VIPR2: variants seen among roughly 807,000 people sequenced by gnomAD.
VIPR2 encodes the protein vasoactive intestinal peptide receptor 2.
In VIPR2, 48 loss-of-function variants were observed where a neutral mutation model predicts 58.0. The observed-to-expected ratio is 0.83, with a 90% CI of 0.66 to 1.05. The LOEUF (loss-of-function observed/expected upper bound fraction) is 1.05. Ranked by LOEUF, VIPR2 falls within the 50% of genes least tolerant of loss-of-function variation. VIPR2 has a pLI of 0.00. For missense variants in VIPR2, 534 were observed against 558.0 expected, an observed-to-expected ratio of 0.96 and a Z score of 0.43; for synonymous variants, 243 against 235.2, an observed-to-expected ratio of 1.03 and a Z score of -0.30.
intron 4 of VIPR2, among the ~76,000 whole-genome samples, chr7:159,065,937 A>G (rs1856053657): frequency 6.6e-6 from 1 of 152,246 alleles, no homozygotes; most frequent in Non-Finnish European, 1.5e-5. Flanking sequence ...TGAGACAGAA[A>G]ACGCAGGTGA....
chr7:159,056,597 C>G (rs986757742), intron 5 of VIPR2, among the ~76,000 whole-genome samples: 1 of 152,154 alleles, frequency 6.6e-6, no homozygotes, highest in Admixed American at 6.5e-5. Context: ...AGCGTCAACA[C>G]TGCACACTTT....
chr7:159,092,611 C>T (rs1412892965), intron 4 of VIPR2, among the ~76,000 whole-genome samples: 6 of 151,458 alleles, frequency 4.0e-5, no homozygotes, highest in Admixed American at 1.3e-4. Flanking sequence ...TGGGCAATTT[C>T]GGGATGCTTT....
At chr7:159,052,688 T>C (rs915233195) in intron 5 of VIPR2, among the ~76,000 whole-genome samples, 1 of 152,144 alleles carries the variant, frequency 6.6e-6, no homozygotes, top group African/African-American at 2.4e-5. Flanking sequence ...AAAAACATAA[T>C]ATATCAAAAC....
chr7:159,133,029 T>TTGGCATACAGATGA (rs1585563303), intron 2 of VIPR2, among the ~76,000 whole-genome samples: 1 of 88,392 alleles, frequency 1.1e-5, no homozygotes, highest in Non-Finnish European at 2.2e-5. Flanking sequence ...GACAGAATGA[T>TTGGCATACAGATGA]TCCAAAAATG....
At chr7:159,033,733 ATGGCCATGTCT>A (rs1853732745) in intron 10 of VIPR2, among the ~76,000 whole-genome samples, 1 of 152,188 alleles carries the variant, frequency 6.6e-6, no homozygotes, top group Non-Finnish European at 1.5e-5. Flanking sequence ...CCATGGACAC[ATGGCCATGTCT>A]GAGGGGGAGA....
chr7:159,092,650 CTTTTTTTTTT>C (rs60400731), intron 4 of VIPR2, among the ~76,000 whole-genome samples: 2 of 133,710 alleles, frequency 1.5e-5, no homozygotes, highest in African/African-American at 5.6e-5. Flanking sequence ...CTTTTCTTTT[CTTTTTTTTTT>C]TTTTTTTTGA....
At chr7:159,131,772 T>C (rs1173831203) in intron 2 of VIPR2, among the ~76,000 whole-genome samples, 1 of 152,212 alleles carries the variant, frequency 6.6e-6, no homozygotes, top group African/African-American at 2.4e-5. Flanking sequence ...TTCTCAAAGT[T>C]AAAATGGAGA....
intron 6 of VIPR2, among the ~76,000 whole-genome samples, chr7:159,037,472 G>A (rs1854049372): frequency 6.6e-6 from 1 of 152,278 alleles, no homozygotes; most frequent in Admixed American, 6.5e-5. Flanking sequence ...GCTCAGGTGA[G>A]CAGCGCCTGG....
intron 2 of VIPR2, among the ~76,000 whole-genome samples, chr7:159,135,692 A>C (rs893992423): frequency 6.6e-6 from 1 of 151,846 alleles, no homozygotes; most frequent in Non-Finnish European, 1.5e-5. Flanking sequence ...GCGTGGTGAC[A>C]GGCGCCTGTA....
Position 159,093,810 on chromosome 7 carries a change from G to GC in VIPR2, c.357+9946dup, listed in dbSNP as rs1333701347. Among the ~76,000 whole-genome samples the GC allele has an allele frequency of 2.0e-5, 3 of 150,930 alleles. No individual in the cohort carries two copies. Among genetic ancestry groups the GC allele is most frequent in the Non-Finnish European group, 2.9e-5 (2 of 68,002 alleles). On this transcript the variant is annotated intron_variant, in intron 4 of 12. Transcript: ENST00000262178. The surrounding 1 kb of genome is among the most constrained non-coding windows in gnomAD (Gnocchi z 6.7). ...GTCCGGACAGGGGAGAGGCCCTGCA[G>GC]CGTCCCTGGGTCCGGACATGGGAGA...
At chr7:159,063,061 C>T (rs7805558) in intron 4 of VIPR2, among the ~76,000 whole-genome samples, 3,400 of 152,338 alleles carry the variant, frequency 0.022, 141 homozygotes, top group African/African-American at 0.078. Flanking sequence ...CCCCACTGGA[C>T]TCAGGAGCCC....
intron 6 of VIPR2, among the ~76,000 whole-genome samples, chr7:159,038,611 G>T (rs1279186547): frequency 6.6e-6 from 1 of 152,068 alleles, no homozygotes; most frequent in East Asian, 1.9e-4. Context: ...GTGAGATTCT[G>T]GGAGTTAGTC....
intron 4 of VIPR2, among the ~76,000 whole-genome samples, chr7:159,063,728 G>GA (rs1175899634): frequency 7.2e-6 from 1 of 139,100 alleles, no homozygotes; most frequent in African/African-American, 2.9e-5. Flanking sequence ...TTCCTGGCGG[G>GA]TCGGAGGGCC....
At chr7:159,143,715 C>T (rs1193816899) in intron 1 of VIPR2, among the ~76,000 whole-genome samples, 1 of 152,210 alleles carries the variant, frequency 6.6e-6, no homozygotes, top group South Asian at 2.1e-4. Context: ...AAAAGAAAAA[C>T]TTTGTTAAAG....
intron 5 of VIPR2, among the ~76,000 whole-genome samples, chr7:159,046,431 TAAGTA>T (rs1854655116): frequency 6.6e-6 from 1 of 152,156 alleles, no homozygotes; most frequent in Non-Finnish European, 1.5e-5. Context: ...AACATTATGC[TAAGTA>T]AAGACACCAG....
chr7:159,118,456 G>T (rs769102158), intron 2 of VIPR2, among the ~76,000 whole-genome samples: 3 of 152,200 alleles, frequency 2.0e-5, no homozygotes, highest in Non-Finnish European at 4.4e-5. Flanking sequence ...AGACCAAGGC[G>T]GGAGAACAGC....
intron 4 of VIPR2, among the ~76,000 whole-genome samples, chr7:159,101,098 G>A (rs1022428924): frequency 6.1e-5 from 9 of 147,340 alleles, no homozygotes; most frequent in African/African-American, 2.3e-4. Flanking sequence ...GGTCTCACGA[G>A]ATCCGACGAG....
In VIPR2 at chr7:159,034,263, C is replaced by T. The variant is rs748978025; in HGVS notation, c.921G>A (p.Leu307=). ...CGACATCTGGGGATGTTAACTTCTG[C>T]AGCAAAATTCGTATAATACTAATGA... ...VLFISIIRIL[L]QKLTSPDVGG... is the part of the protein sequence containing the mutation. Residue 307 remains leucine, a synonymous_variant, in exon 10 of 13, where the codon CTG becomes CTA. Transcript: ENST00000262178. 6.2e-7 allele frequency: 1 copy of T among 1,614,080 alleles called. No homozygotes were observed. Among genetic ancestry groups the T allele is most frequent in the Non-Finnish European group, 8.5e-7 (1 of 1,179,994 alleles).
chr7:159,056,716 A>G (rs950010428), intron 5 of VIPR2, among the ~76,000 whole-genome samples: 3 of 152,246 alleles, frequency 2.0e-5, no homozygotes, highest in African/African-American at 7.2e-5. Flanking sequence ...GAAATGTTCA[A>G]TGCCCGCAAA....
Sources: allele counts gnomAD v4.1 joint callset (sites outside exome capture counted in the v4.1 genomes callset), GRCh38; gene constraint gnomAD v4.1.1; non-coding constraint Gnocchi (gnomAD v3.1); transcripts MANE v1.5; gene names NCBI Gene and HGNC (gene_info 2026-07-23, HGNC 2026-07-21).